Variants in DPYD observed in about 807,000 individuals in gnomAD.
DPYD encodes dihydropyrimidine dehydrogenase [NADP(+)].
DPYD carries 109 observed loss-of-function variants against 116.2 expected under a neutral mutation model. The observed-to-expected ratio is 0.94, with a 90% CI of 0.80 to 1.10. The LOEUF is 1.10. Among genes scored for constraint, DPYD ranks in the 50% least tolerant of loss-of-function variants. The pLI, the probability that DPYD is intolerant of heterozygous loss-of-function variation, is 0.00. For missense variants in DPYD, 1,302 were observed against 1,254.5 expected (o/e 1.04, Z -0.57); for synonymous variants, 440 against 432.0 (o/e 1.02, Z -0.23).
chr1:97,253,368 T>C (rs1420251381), intron 18 of DPYD, among the ~76,000 whole-genome samples: 1 of 152,230 alleles, frequency 6.6e-6, no homozygotes, highest in Admixed American at 6.5e-5. Flanking sequence ...AATTATTCTT[T>C]AAAAGATTTT....
chr1:97,912,973 A>C (rs909377178), intron 1 of DPYD, among the ~76,000 whole-genome samples: 15 of 152,132 alleles, frequency 9.9e-5, no homozygotes, highest in Non-Finnish European at 2.1e-4. Flanking sequence ...TTTCACCTAC[A>C]ATCATCAATC....
rs747571447 is a variant in DPYD at position 97,450,113 on chromosome 1, C to T, written c.1851G>A (p.Thr617=). 15 of 1,613,902 alleles carry T rather than the reference C, an allele frequency of 9.3e-6. No homozygotes were observed. Among genetic ancestry groups the T allele is most frequent in the East Asian group, 2.2e-5 (1 of 44,860 alleles). Reference sequence around the variant, plus strand: ...TGACACTTTGACACCAATATGCAGCCGTTTTCTCACTGATGAGCTCAATAT... The same window carrying T: ...TGACACTTTGACACCAATATGCAGCTGTTTTCTCACTGATGAGCTCAATAT... ...FLNIELISEK[T]AAYWCQSVTE... The change falls in exon 14 of 23, where the codon ACG becomes ACA. Residue 617 remains threonine (T), a synonymous_variant. Transcript: ENST00000370192.
chr1:97,703,310 G>A (rs2100982050), intron 5 of DPYD, among the ~76,000 whole-genome samples: 1 of 152,126 alleles, frequency 6.6e-6, no homozygotes, highest in South Asian at 2.1e-4. Context: ...TCTTGGGGTT[G>A]AGTCTTGACT....
At chr1:97,121,458 G>A (rs1297203002) in intron 20 of DPYD, among the ~76,000 whole-genome samples, 2 of 152,028 alleles carry the variant, frequency 1.3e-5, no homozygotes, top group Non-Finnish European at 2.9e-5. Context: ...GTATACTGCT[G>A]TTTACTAAAT....
chr1:97,191,171 A>G (rs938884482), intron 20 of DPYD, among the ~76,000 whole-genome samples: 1 of 152,038 alleles, frequency 6.6e-6, no homozygotes, highest in African/African-American at 2.4e-5. Context: ...CCTAGAACTT[A>G]AAGTATAATA....
At chr1:97,667,334 T>G (rs1310687524) in intron 8 of DPYD, among the ~76,000 whole-genome samples, 3 of 152,098 alleles carry the variant, frequency 2.0e-5, no homozygotes, top group African/African-American at 7.2e-5. Flanking sequence ...CCTCAAAATA[T>G]CAAAAAATGT....
intron 20 of DPYD, among the ~76,000 whole-genome samples, chr1:97,130,076 C>G (rs1189204773): frequency 3.9e-5 from 6 of 152,116 alleles, no homozygotes; most frequent in African/African-American, 1.4e-4. Context: ...CTCATGTTGT[C>G]CACCACCGAG....
chr1:97,773,945 A>C (rs1666269616), intron 3 of DPYD, among the ~76,000 whole-genome samples: 1 of 152,204 alleles, frequency 6.6e-6, no homozygotes, highest in South Asian at 2.1e-4. Context: ...GTGATAAGGC[A>C]GAAGGTCTAA....
chr1:97,358,468 T>A (rs1249270822), intron 16 of DPYD, among the ~76,000 whole-genome samples: 1 of 152,122 alleles, frequency 6.6e-6, no homozygotes, highest in Non-Finnish European at 1.5e-5. Context: ...CAGCATGGTG[T>A]CTGAGCTCAG....
At chr1:97,173,176 G>GTATACATA (rs1166711368) in intron 20 of DPYD, among the ~76,000 whole-genome samples, 2 of 149,836 alleles carry the variant, frequency 1.3e-5, no homozygotes, top group Non-Finnish European at 3.0e-5. Context: ...ATGTACACAT[G>GTATACATA]TATACATATA....
intron 14 of DPYD, among the ~76,000 whole-genome samples, chr1:97,445,042 C>T (rs1676001310): frequency 6.6e-6 from 1 of 152,154 alleles, no homozygotes; most frequent in South Asian, 2.1e-4. Context: ...AAACTGTTCT[C>T]AGTGCCACAA....
intron 21 of DPYD, among the ~76,000 whole-genome samples, chr1:97,091,091 G>A (rs904751494): frequency 6.6e-6 from 1 of 152,158 alleles, no homozygotes; most frequent in Non-Finnish European, 1.5e-5. Context: ...GGGTAGATCA[G>A]AAACTTGAAT....
chr1:97,198,236 T>G (rs1658950568), intron 19 of DPYD, among the ~76,000 whole-genome samples: 1 of 152,110 alleles, frequency 6.6e-6, no homozygotes, highest in African/African-American at 2.4e-5. Context: ...AGCAAAGTCT[T>G]AAGCACTGGC....
intron 3 of DPYD, among the ~76,000 whole-genome samples, chr1:97,816,063 A>T (rs1367055832): frequency 3.4e-5 from 5 of 146,350 alleles, no homozygotes; most frequent in South Asian, 2.2e-4. Context: ...TTAATTTTTA[A>T]TTTTTTTTTT....
intron 4 of DPYD, among the ~76,000 whole-genome samples, chr1:97,737,704 ATG>A: frequency 6.6e-6 from 1 of 152,070 alleles, no homozygotes; most frequent in Admixed American, 6.6e-5. Context: ...CAGCTGTAAT[ATG>A]TGTGTGTGTT....
intron 4 of DPYD, among the ~76,000 whole-genome samples, chr1:97,732,206 T>A (rs1001850580): frequency 6.6e-6 from 1 of 152,008 alleles, no homozygotes; most frequent in African/African-American, 2.4e-5. Flanking sequence ...AAAGTAAAAA[T>A]GAGCCGGGAG....
intron 20 of DPYD, among the ~76,000 whole-genome samples, chr1:97,192,345 C>CTT (rs35600758): frequency 1.3e-5 from 2 of 151,268 alleles, no homozygotes; most frequent in Admixed American, 6.6e-5. Flanking sequence ...TACTGCCTCT[C>CTT]TTTTTTTTAA....
chr1:97,294,887 C>A (rs1184917017), intron 18 of DPYD, among the ~76,000 whole-genome samples: 1 of 152,072 alleles, frequency 6.6e-6, no homozygotes, highest in Non-Finnish European at 1.5e-5. Context: ...GTAATATCGG[C>A]CCATAATTTT....
chr1:97,180,327 T>C (rs532281397), intron 20 of DPYD, among the ~76,000 whole-genome samples: 1 of 152,286 alleles, frequency 6.6e-6, no homozygotes, highest in East Asian at 1.9e-4. Flanking sequence ...TTTATTCAAG[T>C]GAGCAGATGG....
Sources: gnomAD v4.1 joint callset for allele counts (sites outside exome capture counted in the v4.1 genomes callset) on GRCh38, gnomAD v4.1.1 for gene constraint, MANE v1.5 for transcripts, NCBI Gene and HGNC (gene_info 2026-07-23, HGNC 2026-07-21) for gene names.